The following GRB14 variants were observed in gnomAD, a reference collection of about 807,000 sequenced individuals.
GRB14 encodes the protein growth factor receptor-bound protein 14.
In GRB14, 38 loss-of-function variants were observed where a neutral mutation model predicts 69.1. The ratio of observed to expected loss-of-function variants is 0.55; its 90% CI spans 0.42 to 0.72. The LOEUF (loss-of-function observed/expected upper bound fraction) is 0.72. GRB14 is among the 30% of genes least tolerant of loss of function. The probability of loss-of-function intolerance (pLI) is 0.00; values close to 1 mark genes in which losing one functional copy is unlikely to be tolerated. For missense variants in GRB14, 666 were observed against 666.1 expected (o/e 1.00, Z 0.00); for synonymous variants, 247 against 241.3 (o/e 1.02, Z -0.22).
At chr2:164,513,217 A>G (rs941989591) in intron 6 of GRB14, among the ~76,000 whole-genome samples, 5 of 152,092 alleles carry the variant, frequency 3.3e-5, no homozygotes, top group African/African-American at 1.2e-4. Flanking sequence ...CCCTGTGACC[A>G]AACTAATCTC....
At chr2:164,570,410 T>C (rs905448060) in intron 2 of GRB14, among the ~76,000 whole-genome samples, 1 of 151,822 alleles carries the variant, frequency 6.6e-6, no homozygotes, top group African/African-American at 2.4e-5. Flanking sequence ...TATCAGGCAG[T>C]AGGAACACAC....
chr2:164,582,862 T>C (rs548688919), intron 2 of GRB14, among the ~76,000 whole-genome samples: 11 of 152,330 alleles, frequency 7.2e-5, no homozygotes, highest in Non-Finnish European at 8.8e-5. Flanking sequence ...AGAAACAGTT[T>C]CCTCTTTACA....
chr2:164,526,916 C>T (rs1687787146), intron 4 of GRB14, 98 bp downstream of exon 4: 10 of 701,748 alleles, frequency 1.4e-5, no homozygotes, highest in South Asian at 8.3e-5. Context: ...TACAATTTAC[C>T]GAATAGGACT....
chr2:164,602,134 A>T (rs542227447), intron 2 of GRB14, among the ~76,000 whole-genome samples: 8 of 128,212 alleles, frequency 6.2e-5, no homozygotes, highest in African/African-American at 2.2e-4. Flanking sequence ...TTTTAAATTT[A>T]AAAAAAAAAA....
chr2:164,592,144 G>A (rs1444328131), intron 2 of GRB14, among the ~76,000 whole-genome samples: 1 of 149,376 alleles, frequency 6.7e-6, no homozygotes, highest in African/African-American at 2.5e-5. Flanking sequence ...GTTTTGTTTT[G>A]TTTTGTTTCA....
At chr2:164,566,560 T>C (rs1285311167) in intron 2 of GRB14, among the ~76,000 whole-genome samples, 1 of 152,060 alleles carries the variant, frequency 6.6e-6, no homozygotes, top group African/African-American at 2.4e-5. Flanking sequence ...AGATGTAACA[T>C]CAATAATAAC....
chr2:164,610,238 A>G (rs1690135362), intron 2 of GRB14, among the ~76,000 whole-genome samples: 1 of 152,246 alleles, frequency 6.6e-6, no homozygotes, highest in Non-Finnish European at 1.5e-5. Context: ...ATTTGCTAGC[A>G]TATACCTCTT....
chr2:164,515,022 C>T (rs893149466), intron 6 of GRB14, among the ~76,000 whole-genome samples: 2 of 152,164 alleles, frequency 1.3e-5, no homozygotes, highest in Non-Finnish European at 2.9e-5. Flanking sequence ...GGCCTGAGAA[C>T]AACACTTCCA....
Position 164,497,213 on chromosome 2 carries a change from A to G in GRB14, c.1292T>C (p.Met431Thr). Residue 431 changes from methionine (M) to threonine (T), a missense_variant and splice_region_variant, in exon 11 of 14, where the codon ATG becomes ACG. Met to Thr is a moderately conservative substitution (Grantham distance 81, BLOSUM62 -1). Coordinates refer to ENST00000263915, the MANE Select transcript of GRB14 (RefSeq NM_004490.3). ...GCAATGACTATGAACAGACATACCC[A>G]TGTTTGTGGCAGAGCTCTGTGAAGA... ...TASSQSSATN[M>T]AIHRSQPWFH... The G allele has an allele frequency of 6.2e-7, 1 of 1,613,334 alleles. No homozygotes were observed. Among genetic ancestry groups the G allele is most frequent in the Non-Finnish European group, 8.5e-7 (1 of 1,179,414 alleles).
At position 164,619,634 on chromosome 2, in the gene GRB14, T is replaced by C. The variant is rs562288100; in HGVS notation, c.324+53A>G. The C allele has an allele frequency of 3.1e-5, 39 of 1,238,396 alleles. 1 individual carries two copies. The South Asian group carries it at 5.5e-4, about 18-fold the overall frequency. The allele number at this position is 1,238,396 out of a possible 1,614,324, so 76.7% of individuals were successfully genotyped here. A position where few individuals can be genotyped will look rare whatever the true frequency, so the allele number is the denominator to read the frequency against. On this transcript the variant is annotated intron_variant, in intron 2 of 13. Transcript: ENST00000263915. ...AAATTACGGAACACCTTAAAGACTG[T>C]ATGGATTCAGAACTCCTAAGATTTT...
intron 3 of GRB14, among the ~76,000 whole-genome samples, chr2:164,533,103 C>T (rs1445560793): frequency 6.6e-6 from 1 of 152,108 alleles, no homozygotes. Flanking sequence ...TGGAAGTTCT[C>T]ACCCAAGGGA....
At chr2:164,546,404 G>C (rs1357597242) in intron 3 of GRB14, among the ~76,000 whole-genome samples, 1 of 151,988 alleles carries the variant, frequency 6.6e-6, no homozygotes, top group African/African-American at 2.4e-5. Context: ...AAAAATAATG[G>C]CAAAGAAGCC....
intron 2 of GRB14, among the ~76,000 whole-genome samples, chr2:164,587,508 A>G (rs1689566530): frequency 2.0e-5 from 3 of 152,140 alleles, no homozygotes; most frequent in Admixed American, 2.0e-4. Context: ...CTGAACCCCC[A>G]TGTCTCTACA....
At chr2:164,553,252 A>T (rs1688591177) in intron 2 of GRB14, among the ~76,000 whole-genome samples, 1 of 152,236 alleles carries the variant, frequency 6.6e-6, no homozygotes. Flanking sequence ...ATAAAATGAG[A>T]AAGTGACTAA....
chr2:164,574,765 A>G (rs1450182768), intron 2 of GRB14, among the ~76,000 whole-genome samples: 1 of 151,816 alleles, frequency 6.6e-6, no homozygotes, highest in Non-Finnish European at 1.5e-5. Flanking sequence ...ACAGAGCAAG[A>G]CCCTGTCTCT....
chr2:164,603,674 ATAT>A (rs767409271), intron 2 of GRB14, among the ~76,000 whole-genome samples: 2 of 32,724 alleles, frequency 6.1e-5, no homozygotes, highest in Non-Finnish European at 1.5e-4. Context: ...AAAAAAAAAT[ATAT>A]ATATATTAAC....
chr2:164,610,249 G>T (rs889594793), intron 2 of GRB14, among the ~76,000 whole-genome samples: 17 of 152,066 alleles, frequency 1.1e-4, no homozygotes, highest in East Asian at 1.9e-4. Context: ...TATACCTCTT[G>T]CTCTGAGAGA....
intron 2 of GRB14, among the ~76,000 whole-genome samples, chr2:164,558,973 A>G (rs918564839): frequency 2.6e-5 from 4 of 152,302 alleles, no homozygotes; most frequent in Admixed American, 2.6e-4. Context: ...TTTTAAAAGC[A>G]CATTTTTTTC....
intron 3 of GRB14, among the ~76,000 whole-genome samples, chr2:164,530,554 G>C (rs1317122650): frequency 1.3e-5 from 2 of 152,036 alleles, no homozygotes; most frequent in East Asian, 3.9e-4. Context: ...TATCAAGAAG[G>C]CCTCATTGAG....
Sources: allele counts gnomAD v4.1 joint callset (sites outside exome capture counted in the v4.1 genomes callset), GRCh38; gene constraint gnomAD v4.1.1; transcripts MANE v1.5; gene names NCBI Gene and HGNC (gene_info 2026-07-23, HGNC 2026-07-21).